Variants in SMIM27 observed in about 807,000 individuals in gnomAD.
SMIM27 encodes the protein transition zone microprotein 1, also known as TOPORS antisense RNA 1 (non-protein coding).
SMIM27 carries 3 observed loss-of-function variants against 1.8 expected under a neutral mutation model. The observed-to-expected ratio is 1.65, with a 90% confidence interval of 0.75 to 4.28. SMIM27 has a LOEUF of 4.28. SMIM27 is among the 30% of genes most tolerant of loss of function. The pLI is 0.02. For missense variants in SMIM27, 63 were observed against 37.0 expected, an observed-to-expected ratio of 1.70 and a Z score of -1.83; for synonymous variants, 19 against 13.9, an observed-to-expected ratio of 1.37 and a Z score of -0.82.
At chr9:32,554,182 G>A (rs1252540399), downstream of SMIM27, among the ~76,000 whole-genome samples, 1 of 152,134 alleles carries the variant, frequency 6.6e-6, no homozygotes, top group Non-Finnish European at 1.5e-5. Flanking sequence ...ATCAAAAAGG[G>A]CACGAAAATT....
intron 1 of SMIM27, among the ~76,000 whole-genome samples, chr9:32,563,782 T>G (rs1821698523): frequency 6.6e-6 from 1 of 152,204 alleles, no homozygotes; most frequent in East Asian, 1.9e-4. Flanking sequence ...CAGTTTGCAC[T>G]CATGGATTTT....
intron 1 of SMIM27, among the ~76,000 whole-genome samples, chr9:32,564,513 T>C (rs671979): frequency 7.9e-3 from 238 of 30,128 alleles, no homozygotes; most frequent in Non-Finnish European, 0.014. Context: ...TATTACACTT[T>C]TTTAAAAAAA....
intron 1 of SMIM27, among the ~76,000 whole-genome samples, chr9:32,562,278 A>C (rs1358808118): frequency 1.3e-5 from 2 of 152,242 alleles, no homozygotes; most frequent in Non-Finnish European, 2.9e-5. Flanking sequence ...TTCTATAGCA[A>C]TAAAGGAAGA....
chr9:32,557,018 A>C (rs184254703), downstream of SMIM27, among the ~76,000 whole-genome samples: 875 of 149,450 alleles, frequency 5.9e-3, 8 homozygotes, highest in African/African-American at 0.021. Context: ...TGCCCAGCTA[A>C]TTTTTGTATT....
downstream of SMIM27, among the ~76,000 whole-genome samples, chr9:32,557,910 C>T (rs546029107): frequency 6.6e-6 from 1 of 152,274 alleles, no homozygotes; most frequent in African/African-American, 2.4e-5. Context: ...GCAAGAATCA[C>T]ACTTTTGTTA....
chr9:32,551,211 T>C (rs183953517), upstream of SMIM27: 3 of 602,358 alleles, frequency 5.0e-6, no homozygotes, highest in South Asian at 3.8e-5. Context: ...ACTCAGCCAC[T>C]GGGGACACTG....
At position 32,552,340 on chromosome 9, in the gene SMIM27, A is replaced by G; in HGVS notation, c.-95A>G. On this transcript the variant is annotated 5_prime_UTR_variant, in exon 1 of 2. Transcript: ENST00000692500. Reference sequence around the variant, plus strand: ...GGGCGGGCGCTCGTGCCCGGCTAAAAGATGGCTGCTGGCGCCTGGCAGCCA... The same window carrying G: ...GGGCGGGCGCTCGTGCCCGGCTAAAGGATGGCTGCTGGCGCCTGGCAGCCA... The G allele has an allele frequency of 6.5e-7, 1 of 1,543,318 alleles. No homozygotes were observed. Among genetic ancestry groups the G allele is most frequent in the Non-Finnish European group, 8.8e-7 (1 of 1,136,302 alleles).
chr9:32,555,850 A>T (rs577190001), downstream of SMIM27, among the ~76,000 whole-genome samples: 27 of 152,372 alleles, frequency 1.8e-4, no homozygotes, highest in South Asian at 5.4e-3. Context: ...TTCTTTCAAG[A>T]AAACAAAATC....
chr9:32,553,583 G>A (rs1821365802), downstream of SMIM27: 1 of 338,756 alleles, frequency 3.0e-6, no homozygotes, highest in African/African-American at 2.2e-5. Flanking sequence ...TACCAAATTA[G>A]TGTAAGTACT....
chr9:32,560,027 G>A (rs572511828), intron 1 of SMIM27, among the ~76,000 whole-genome samples: 4 of 152,198 alleles, frequency 2.6e-5, no homozygotes, highest in Non-Finnish European at 4.4e-5. Context: ...TGGAACATGA[G>A]AGAAACTCAG....
downstream of SMIM27, among the ~76,000 whole-genome samples, chr9:32,554,175 A>C (rs1821387701): frequency 6.6e-6 from 1 of 152,196 alleles, no homozygotes; most frequent in Admixed American, 6.5e-5. Flanking sequence ...CAAAATAATC[A>C]AAAAGGGCAC....
intron 1 of SMIM27, among the ~76,000 whole-genome samples, chr9:32,563,540 T>G (rs1041075653): frequency 4.7e-5 from 7 of 149,996 alleles, no homozygotes; most frequent in Non-Finnish European, 1.0e-4. Flanking sequence ...CCCAGGTTGA[T>G]CTCAAACTCT....
chr9:32,552,887 C>T lies in SMIM27; in HGVS notation c.132C>T (p.Tyr44=). 1 of 702,642 alleles carries T rather than the reference C, an allele frequency of 1.4e-6. No homozygotes were observed. Among genetic ancestry groups the T allele is most frequent in the South Asian group, 1.5e-5 (1 of 67,566 alleles). 43.5% of individuals were successfully genotyped at this position (702,642 alleles called of 1,614,324 possible). A position where few individuals can be genotyped will look rare whatever the true frequency, so the allele number is the denominator to read the frequency against. ...CAAGACGACAGCTAAGGAAGAAATA[C>T]CCAGACAAAATCTTTGGGACGAATG... ...VSARRQLRKK[Y]PDKIFGTNEN... is the part of the protein sequence containing the mutation. Residue 44 remains tyrosine, a synonymous_variant, in exon 2 of 2, where the codon TAC becomes TAT. Transcript: ENST00000692500.
chr9:32,552,388 G>A lies in SMIM27; in HGVS notation c.-47G>A, dbSNP rs1821306465. 6.2e-7 allele frequency: 1 copy of A among 1,605,914 alleles called. No homozygotes were observed. The highest frequency in any genetic ancestry group is 1.3e-5 in the African/African-American group (1 of 74,948). On this transcript the variant is annotated 5_prime_UTR_variant, in exon 1 of 2. Coordinates refer to ENST00000692500, the MANE Select transcript of SMIM27 (RefSeq NM_001387564.1). ...CCACCGCCTGGGAGGTTACTGTAAGGCCCGCAGCTCCCGCCAGCTCCCGCG... is the reference window on the plus strand; with the variant it reads ...CCACCGCCTGGGAGGTTACTGTAAGACCCGCAGCTCCCGCCAGCTCCCGCG...
chr9:32,552,319 G>C, upstream of SMIM27: 1 of 1,447,600 alleles, frequency 6.9e-7, no homozygotes, highest in South Asian at 1.2e-5. Flanking sequence ...GCGAGTGGGC[G>C]GGCGCTCGTG....
At chr9:32,566,133 T>A (rs1464666626) in intron 1 of SMIM27, 2 of 601,594 alleles carry the variant, frequency 3.3e-6, no homozygotes, top group Non-Finnish European at 6.0e-6. Flanking sequence ...AAGACGAGAA[T>A]ATGGTGTGTA....
chr9:32,563,550 T>C (rs141844037), intron 1 of SMIM27, among the ~76,000 whole-genome samples: 1 of 148,450 alleles, frequency 6.7e-6, no homozygotes, highest in African/African-American at 2.5e-5. Flanking sequence ...TCTCAAACTC[T>C]TGGCCTCAAG....
At position 32,552,384 on chromosome 9, in the gene SMIM27, T is replaced by TA. The variant is rs1191824659; in HGVS notation, c.-49dup. ...GCAGCCACCGCCTGGGAGGTTACTG[T>TA]AAGGCCCGCAGCTCCCGCCAGCTCC... On this transcript the variant is annotated 5_prime_UTR_variant, in exon 1 of 2. Coordinates refer to ENST00000692500, the MANE Select transcript of SMIM27 (RefSeq NM_001387564.1). 1 of 1,605,038 alleles carries TA rather than the reference T, an allele frequency of 6.2e-7. No homozygotes were observed. The highest frequency in any genetic ancestry group is 1.3e-5 in the African/African-American group (1 of 74,918).
chr9:32,555,402 AAGGT>A (rs779119801), downstream of SMIM27, among the ~76,000 whole-genome samples: 6 of 152,226 alleles, frequency 3.9e-5, no homozygotes, highest in Non-Finnish European at 7.3e-5. Context: ...GTTTAAAATG[AAGGT>A]AGCCTTTGAA....
Sources: allele counts gnomAD v4.1 joint callset (sites outside exome capture counted in the v4.1 genomes callset), GRCh38; gene constraint gnomAD v4.1.1; transcripts MANE v1.5; gene names NCBI Gene and HGNC (gene_info 2026-07-23, HGNC 2026-07-21).